SPMIP3: variants seen among roughly 807,000 people sequenced by gnomAD.
The protein encoded by SPMIP3 is sperm microtubule inner protein 3.
At chr1:244,361,120 C>T in the SPMIP3 span, among the ~76,000 whole-genome samples, 9 of 151,342 alleles carry the variant, frequency 5.9e-5, no homozygotes, top group Admixed American at 1.3e-4. Flanking sequence ...AGGGAATAAA[C>T]GGTGGATGGT....
the SPMIP3 span, among the ~76,000 whole-genome samples, chr1:244,383,325 G>A: frequency 6.6e-6 from 1 of 152,020 alleles, no homozygotes; most frequent in Non-Finnish European, 1.5e-5. Context: ...CAGCCTGGGC[G>A]ACGCAGTGAG....
the SPMIP3 span, among the ~76,000 whole-genome samples, chr1:244,373,271 T>A: frequency 7.0e-6 from 1 of 143,452 alleles, no homozygotes; most frequent in Non-Finnish European, 1.5e-5. Context: ...TACCATGTCA[T>A]GAACCTTGTT....
At chr1:244,377,984 T>G in the SPMIP3 span, among the ~76,000 whole-genome samples, 1 of 152,144 alleles carries the variant, frequency 6.6e-6, no homozygotes, top group African/African-American at 2.4e-5. Flanking sequence ...TTTTGTATTT[T>G]TTTGTAGAGA....
chr1:244,380,659 G>C, the SPMIP3 span, among the ~76,000 whole-genome samples: 7 of 152,298 alleles, frequency 4.6e-5, no homozygotes, highest in African/African-American at 1.7e-4. Context: ...AGAAGCTACA[G>C]AGCCTCTGTC....
the SPMIP3 span, among the ~76,000 whole-genome samples, chr1:244,362,682 C>A: frequency 6.6e-6 from 1 of 152,050 alleles, no homozygotes; most frequent in African/African-American, 2.4e-5. Flanking sequence ...TGTTCTCCTG[C>A]TACACCACTA....
At chr1:244,385,431 G>A in the SPMIP3 span, among the ~76,000 whole-genome samples, 1 of 152,162 alleles carries the variant, frequency 6.6e-6, no homozygotes, top group African/African-American at 2.4e-5. Flanking sequence ...AGGGTATGGA[G>A]AAGGCTCTGT....
chr1:244,372,618 T>C, the SPMIP3 span, among the ~76,000 whole-genome samples: 1 of 152,116 alleles, frequency 6.6e-6, no homozygotes, highest in Admixed American at 6.5e-5. Context: ...TAATTTTTTG[T>C]ATTTTTAGTA....
chr1:244,355,651 G>T, the SPMIP3 span, among the ~76,000 whole-genome samples: 8 of 152,198 alleles, frequency 5.3e-5, no homozygotes, highest in Non-Finnish European at 1.2e-4. Flanking sequence ...CTCCCAAAGT[G>T]CTGGGATTAC....
the SPMIP3 span, chr1:244,375,474 C>A: frequency 1.9e-6 from 3 of 1,608,408 alleles, no homozygotes; most frequent in South Asian, 1.1e-5. Context: ...CCAGGTGAGA[C>A]ACCTCCTCAA....
the SPMIP3 span, among the ~76,000 whole-genome samples, chr1:244,358,573 A>C: frequency 9.6e-6 from 1 of 104,532 alleles, no homozygotes; most frequent in Admixed American, 1.2e-4. Flanking sequence ...TGATAGAGTG[A>C]GAGTGTCTCA....
chr1:244,353,155 G>A, the SPMIP3 span, among the ~76,000 whole-genome samples: 1 of 152,196 alleles, frequency 6.6e-6, no homozygotes, highest in African/African-American at 2.4e-5. Flanking sequence ...TGAGTTAGGA[G>A]AAGGACAAAG....
chr1:244,379,681 A>C, the SPMIP3 span, among the ~76,000 whole-genome samples: 3 of 152,184 alleles, frequency 2.0e-5, no homozygotes, highest in Admixed American at 2.0e-4. Flanking sequence ...GCAGCATGTA[A>C]AAAAATACTG....
chr1:244,368,789 C>A, the SPMIP3 span, among the ~76,000 whole-genome samples: 1 of 152,218 alleles, frequency 6.6e-6, no homozygotes, highest in Non-Finnish European at 1.5e-5. Flanking sequence ...CTACAGAAAA[C>A]TGAGGTTTTG....
the SPMIP3 span, among the ~76,000 whole-genome samples, chr1:244,362,053 A>G: frequency 6.6e-6 from 1 of 152,214 alleles, no homozygotes; most frequent in Non-Finnish European, 1.5e-5. Context: ...CAGTAAAAGT[A>G]CATTATATAA....
the SPMIP3 span, among the ~76,000 whole-genome samples, chr1:244,386,099 C>A: frequency 6.6e-6 from 1 of 151,896 alleles, no homozygotes; most frequent in Non-Finnish European, 1.5e-5. Context: ...ATTGTTTGAA[C>A]CCCAGGAGGC....
At chr1:244,356,519 T>C in the SPMIP3 span, among the ~76,000 whole-genome samples, 1 of 152,248 alleles carries the variant, frequency 6.6e-6, no homozygotes, top group Non-Finnish European at 1.5e-5. Flanking sequence ...AATTCATTTA[T>C]CTTGGCTCAC....
chr1:244,387,481 G>T, the SPMIP3 span, among the ~76,000 whole-genome samples: 1 of 139,742 alleles, frequency 7.2e-6, no homozygotes. Flanking sequence ...ATTTAGGAAC[G>T]GCAGTATCAC....
chr1:244,379,958 A>C, the SPMIP3 span, among the ~76,000 whole-genome samples: 1 of 81,486 alleles, frequency 1.2e-5, no homozygotes, highest in South Asian at 4.9e-4. Context: ...ACAGGAGCAA[A>C]ACTGTCAAAA....
At chr1:244,378,927 ATTTTT>A in the SPMIP3 span, among the ~76,000 whole-genome samples, 1 of 151,236 alleles carries the variant, frequency 6.6e-6, no homozygotes, top group Non-Finnish European at 1.5e-5. Flanking sequence ...TCTTTTATTT[ATTTTT>A]ATTTTTATTT....
Sources: gnomAD v4.1 joint callset for allele counts (sites outside exome capture counted in the v4.1 genomes callset) on GRCh38, gnomAD v4.1.1 for gene constraint, MANE v1.5 for transcripts, NCBI Gene and HGNC (gene_info 2026-07-23, HGNC 2026-07-21) for gene names.